GALNT16: variants seen among roughly 807,000 people sequenced by gnomAD.
GALNT16 encodes UDP-GalNAc:polypeptide N-acetylgalactosaminyltransferase-like protein 1.
GALNT16 carries 40 observed loss-of-function variants against 76.1 expected under a neutral mutation model. The observed-to-expected ratio is 0.53, with a 90% CI of 0.41 to 0.68. The LOEUF is 0.68. GALNT16 is among the 30% of genes least tolerant of loss of function. The pLI is 0.00. For missense variants in GALNT16, 621 were observed against 731.9 expected (o/e 0.85, Z 1.75); for synonymous variants, 276 against 285.2 (o/e 0.97, Z 0.32).
At chr14:69,380,566 C>T in the GALNT16 span, 1 of 1,611,988 alleles carries the variant, frequency 6.2e-7, no homozygotes, top group Non-Finnish European at 8.5e-7. Flanking sequence ...GGCCTGCCGA[C>T]GAAGGAGCAC....
the GALNT16 span, among the ~76,000 whole-genome samples, chr14:69,378,666 A>G: frequency 6.6e-6 from 1 of 152,152 alleles, no homozygotes; most frequent in Non-Finnish European, 1.5e-5. Context: ...TCATCACTCA[A>G]CATCTAGAAC....
At chr14:69,303,081 C>T (rs1010007566) in intron 1 of GALNT16, among the ~76,000 whole-genome samples, 1 of 152,130 alleles carries the variant, frequency 6.6e-6, no homozygotes, top group African/African-American at 2.4e-5. Flanking sequence ...TTATAACACC[C>T]TAGAATCAAA....
At chr14:69,272,232 A>G (rs923607825) in intron 1 of GALNT16, among the ~76,000 whole-genome samples, 1 of 152,140 alleles carries the variant, frequency 6.6e-6, no homozygotes, top group East Asian at 1.9e-4. Flanking sequence ...GCCTGGTGGC[A>G]TGCACTTGTA....
chr14:69,332,028 T>C (rs751069773), intron 7 of GALNT16, among the ~76,000 whole-genome samples: 20 of 152,174 alleles, frequency 1.3e-4, no homozygotes, highest in Non-Finnish European at 2.1e-4. Flanking sequence ...GAAATATGAC[T>C]AGTCTTGAAA....
At chr14:69,267,698 T>C (rs575326653) in intron 1 of GALNT16, among the ~76,000 whole-genome samples, 1 of 152,174 alleles carries the variant, frequency 6.6e-6, no homozygotes, top group South Asian at 2.1e-4. Context: ...AGAGAGGATG[T>C]GAATGAAGTC....
At position 69,352,237 on chromosome 14, in the gene GALNT16, A is replaced by G. The variant is rs2045647266; in HGVS notation, c.*69A>G. Reference sequence around the variant, plus strand: ...GACCGGAAGGGGGTTAGGGTGGGGGAGTGCAAAGTGGGCTGTTCCCATCTC... The same window carrying G: ...GACCGGAAGGGGGTTAGGGTGGGGGGGTGCAAAGTGGGCTGTTCCCATCTC... On this transcript the variant is annotated 3_prime_UTR_variant, in exon 15 of 15. Transcript: ENST00000448469. 7.3e-7 allele frequency: 1 copy of G among 1,368,720 alleles called. No homozygotes were observed. Among genetic ancestry groups the G allele is most frequent in the South Asian group, 1.4e-5 (1 of 70,760 alleles). 84.8% of individuals were successfully genotyped at this position (1,368,720 alleles called of 1,614,324 possible). A position where few individuals can be genotyped will look rare whatever the true frequency, so the allele number is the denominator to read the frequency against.
At chr14:69,340,198 G>A (rs2045468618) in intron 11 of GALNT16, among the ~76,000 whole-genome samples, 1 of 152,178 alleles carries the variant, frequency 6.6e-6, no homozygotes, top group Admixed American at 6.5e-5. Context: ...CGTTGTGGGT[G>A]CATGTGTGTG....
chr14:69,339,681 A>C, intron 11 of GALNT16, 62 bp downstream of exon 11: 1 of 1,050,220 alleles, frequency 9.5e-7, no homozygotes, highest in Non-Finnish European at 1.4e-6. Flanking sequence ...CCCCAGCAAA[A>C]TACGAAGTGG....
chr14:69,269,526 TTA>T (rs1431452666), intron 1 of GALNT16, among the ~76,000 whole-genome samples: 1 of 147,424 alleles, frequency 6.8e-6, no homozygotes. Flanking sequence ...TGTGTGGGGC[TTA>T]TGTGTGTGTG....
chr14:69,359,890 T>A (rs1594877242), downstream of GALNT16, among the ~76,000 whole-genome samples: 2 of 151,868 alleles, frequency 1.3e-5, no homozygotes, highest in African/African-American at 4.8e-5. Context: ...TCCAGGCGGG[T>A]GGCACACGCC....
In GALNT16 at chr14:69,333,499, C is replaced by A; in HGVS notation, c.866C>A (p.Thr289Lys). 1 of 1,600,452 alleles carries A rather than the reference C, an allele frequency of 6.2e-7. No individual in the cohort carries two copies. The highest frequency in any genetic ancestry group is 8.6e-7 in the Non-Finnish European group (1 of 1,167,958). Residue 289 changes from threonine to lysine, a missense_variant and splice_region_variant, in exon 9 of 15, where the codon ACG (threonine) becomes AAG (lysine). Transcript: ENST00000448469. This position sits in a 1 kb window ranked among gnomAD's most constrained non-coding sequence, Gnocchi z 4.2. ...TRTDPTRPIRTPVIAGGIFVI... is the reference protein window; with the variant it reads ...TRTDPTRPIRKPVIAGGIFVI... ...GTCTTCCCTCTCCTTGCTCCCAGGACGCCTGTCATAGCTGGAGGAATCTTC... is the reference window on the plus strand; with the variant it reads ...GTCTTCCCTCTCCTTGCTCCCAGGAAGCCTGTCATAGCTGGAGGAATCTTC...
chr14:69,272,611 G>C (rs1351336402), intron 1 of GALNT16, among the ~76,000 whole-genome samples: 1 of 152,012 alleles, frequency 6.6e-6, no homozygotes, highest in Non-Finnish European at 1.5e-5. Context: ...TGTTTATAAA[G>C]TCGTGTAACA....
At chr14:69,380,783 A>C in the GALNT16 span, 1 of 584,592 alleles carries the variant, frequency 1.7e-6, no homozygotes, top group Non-Finnish European at 3.1e-6. Context: ...AGAGCTACTT[A>C]CACAGTCGTT....
intron 1 of GALNT16, among the ~76,000 whole-genome samples, chr14:69,303,587 C>T (rs555927196): frequency 1.4e-4 from 21 of 152,098 alleles, no homozygotes; most frequent in African/African-American, 5.1e-4. Context: ...AGATTTTTTC[C>T]CACTTAAAAA....
the GALNT16 span, among the ~76,000 whole-genome samples, chr14:69,369,203 CAGG>C: frequency 6.6e-6 from 1 of 152,126 alleles, no homozygotes; most frequent in Non-Finnish European, 1.5e-5. Flanking sequence ...AGGGCCCAAA[CAGG>C]AGGACACATA....
At chr14:69,350,365 C>T (rs2045619311) in intron 14 of GALNT16, 1 of 152,262 alleles carries the variant, frequency 6.6e-6, no homozygotes, top group African/African-American at 2.4e-5. Flanking sequence ...TTACAGAAGG[C>T]TAGATGCTGA....
chr14:69,292,189 A>G (rs1461552645), intron 1 of GALNT16, among the ~76,000 whole-genome samples: 2 of 152,234 alleles, frequency 1.3e-5, no homozygotes, highest in African/African-American at 4.8e-5. Flanking sequence ...TGGAGCACAG[A>G]GGAAGTGGGC....
At chr14:69,322,977 T>TGTGTGTGC (rs2045219741) in intron 2 of GALNT16, among the ~76,000 whole-genome samples, 1 of 34,252 alleles carries the variant, frequency 2.9e-5, no homozygotes, top group Non-Finnish European at 4.9e-5. Flanking sequence ...TGTGTGTGTG[T>TGTGTGTGC]GTGTGCGCGC....
chr14:69,312,744 A>G (rs877266), intron 1 of GALNT16, among the ~76,000 whole-genome samples: 19,508 of 152,240 alleles, frequency 0.13, 1,275 homozygotes, highest in Middle Eastern at 0.19. Flanking sequence ...GCAAGTCCCT[A>G]TCTGAGCCAC....
Sources: gnomAD v4.1 joint callset for allele counts (sites outside exome capture counted in the v4.1 genomes callset) on GRCh38, gnomAD v4.1.1 for gene constraint, Gnocchi (gnomAD v3.1) non-coding constraint, MANE v1.5 for transcripts, NCBI Gene and HGNC (gene_info 2026-07-23, HGNC 2026-07-21) for gene names.